NUP58: variants seen among roughly 807,000 people sequenced by gnomAD.
The protein encoded by NUP58 is nucleoporin 58.
A neutral mutation model predicts 70.1 loss-of-function variants in NUP58; 17 were observed. The ratio of observed to expected loss-of-function variants is 0.24; its 90% CI spans 0.17 to 0.36. The LOEUF (loss-of-function observed/expected upper bound fraction) is 0.36, where lower values mean the gene tolerates loss of function less well. NUP58 is among the 10% of genes least tolerant of loss of function. The probability of loss-of-function intolerance (pLI) is 1.00; values close to 1 mark genes in which losing one functional copy is unlikely to be tolerated. For synonymous variants in NUP58, 275 were observed against 257.6 expected, an observed-to-expected ratio of 1.07 and a Z score of -0.65; for missense variants, 644 against 701.5, an observed-to-expected ratio of 0.92 and a Z score of 0.93.
At position 25,319,336 on chromosome 13, in the gene NUP58, G is replaced by A. The variant is rs1278204678; in HGVS notation, c.696G>A (p.Thr232=). 8 of 1,612,464 alleles carry A rather than the reference G, an allele frequency of 5.0e-6. No homozygotes were observed. Among genetic ancestry groups the A allele is most frequent in the South Asian group, 2.2e-5 (2 of 91,014 alleles). The part of the protein sequence containing the change: ...SSSSDKKSDK[T]GTRPEDSKAL... ...TCTTGAATTTTCTAGGTGATAAAAC[G>A]GGAACAAGACCAGAGTAAGTTTACA... Residue 232 remains threonine (T), a synonymous_variant, in exon 7 of 16, where the codon ACG becomes ACA. Transcript: ENST00000381736.
chr13:25,348,138 T>G (rs1181299005), intron 3 of NUP58, among the ~76,000 whole-genome samples: 1 of 152,212 alleles, frequency 6.6e-6, no homozygotes, highest in Non-Finnish European at 1.5e-5. Context: ...AATTTTTATC[T>G]ATTTAAATTT....
rs1410421433 is a variant in NUP58 at position 25,338,679 on chromosome 13, C to T, written c.1578C>T (p.Ala526=). The change falls in exon 15 of 16, where the codon GCC becomes GCT. Residue 526 remains alanine, a synonymous_variant. Coordinates refer to ENST00000381736, the MANE Select transcript of NUP58 (RefSeq NM_014089.4). ...GTTTTGGATGCAGCACCACAGGGGC[C>T]TCCACATTTGGATTTGGAACAACAA... ...SSGFGCSTTG[A]STFGFGTTNK... is the part of the protein sequence containing the mutation. 6.2e-7 allele frequency: 1 copy of T among 1,613,872 alleles called. No individual in the cohort carries two copies. Among genetic ancestry groups the T allele is most frequent in the Non-Finnish European group, 8.5e-7 (1 of 1,179,838 alleles).
intron 13 of NUP58, chr13:25,332,709 C>G: frequency 1.0e-6 from 1 of 985,432 alleles, no homozygotes; most frequent in Non-Finnish European, 1.2e-6. Context: ...CTCCATATCC[C>G]GTGGCTGGAC....
chr13:25,333,847 T>TA, intron 13 of NUP58: 1 of 985,416 alleles, frequency 1.0e-6, no homozygotes, highest in South Asian at 4.7e-5. Context: ...GCATTGTTTT[T>TA]ATACATCACT....
chr13:25,313,853 T>G (rs1464807834), intron 5 of NUP58, 102 bp downstream of exon 5: 14 of 912,248 alleles, frequency 1.5e-5, no homozygotes, highest in Non-Finnish European at 2.2e-5. Flanking sequence ...ATCTGCATAT[T>G]TTCCTTTAAA....
At chr13:25,323,540 A>C (rs2031275249) in intron 9 of NUP58, among the ~76,000 whole-genome samples, 1 of 152,154 alleles carries the variant, frequency 6.6e-6, no homozygotes, top group African/African-American at 2.4e-5. Context: ...TTACCAATTG[A>C]AAAAAATGTT....
chr13:25,317,879 T>TC (rs1491034014), intron 6 of NUP58: 1 of 148,514 alleles, frequency 6.7e-6, no homozygotes, highest in African/African-American at 2.5e-5. Context: ...TTTTTTTTTT[T>TC]GGGATACAGT....
Position 25,342,207 on chromosome 13 carries a change from A to G in NUP58, c.*2073A>G, listed in dbSNP as rs1277729825. 6.6e-6 allele frequency: 1 copy of G among 152,602 alleles called. No homozygotes were observed. The highest frequency in any genetic ancestry group is 6.5e-5 in the Admixed American group (1 of 15,284). 9.5% of individuals were successfully genotyped at this position (152,602 alleles called of 1,614,324 possible). A position where few individuals can be genotyped will look rare whatever the true frequency, so the allele number is the denominator to read the frequency against. On this transcript the variant is annotated 3_prime_UTR_variant, in exon 16 of 16. Transcript: ENST00000381736. ...ACACAATTACAACAAACTTTTTTTA[A>G]AAGACATTTCATTGTACTGCAAAAA...
chr13:25,308,086 G>A, intron 2 of NUP58, 138 bp downstream of exon 2: 1 of 936,708 alleles, frequency 1.1e-6, no homozygotes. Flanking sequence ...GAAAAGAAAT[G>A]CAAGGAATTG....
In NUP58 at chr13:25,338,710, C is replaced by A. The variant is rs1284448860; in HGVS notation, c.1609C>A (p.Pro537Thr). The A allele has an allele frequency of 3.1e-6, 5 of 1,613,522 alleles. No individual in the cohort carries two copies. The highest frequency in any genetic ancestry group is 3.4e-6 in the Non-Finnish European group (4 of 1,179,548). ...ATTTGGATTTGGAACAACAAATAAA[C>A]CCTCAGGAAGTCTTAGTGCAGGTTT... ...STFGFGTTNK[P>T]SGSLSAGFGS... Residue 537 changes from proline to threonine, a missense_variant, in exon 15 of 16, where the codon CCC (proline) becomes ACC (threonine). Coordinates refer to ENST00000381736, the MANE Select transcript of NUP58 (RefSeq NM_014089.4).
chr13:25,335,975 TAAA>T, intron 13 of NUP58: 2 of 838,088 alleles, frequency 2.4e-6, no homozygotes, highest in Non-Finnish European at 3.0e-6. Context: ...TGCTTAGTTT[TAAA>T]AAAAAAAAAT....
chr13:25,327,092 G>T, intron 11 of NUP58, 58 bp downstream of exon 11: 1 of 983,596 alleles, frequency 1.0e-6, no homozygotes, highest in South Asian at 1.6e-5. Flanking sequence ...GATAGATGTG[G>T]TTATATAATA....
At chr13:25,335,857 T>C (rs1205518523) in intron 13 of NUP58, 6 of 1,050,866 alleles carry the variant, frequency 5.7e-6, no homozygotes, top group Non-Finnish European at 6.9e-6. Context: ...TGAGATGCAC[T>C]GATCACTGTG....
chr13:25,332,568 C>T (rs985921503), intron 13 of NUP58: 2 of 985,226 alleles, frequency 2.0e-6, no homozygotes, highest in African/African-American at 1.7e-5. Flanking sequence ...AGATTGCATT[C>T]AAGCTACCTA....
intron 1 of NUP58, among the ~76,000 whole-genome samples, chr13:25,304,543 T>C (rs2030218593): frequency 7.2e-6 from 1 of 138,938 alleles, no homozygotes; most frequent in Non-Finnish European, 1.5e-5. Context: ...TTTAAGACAG[T>C]CTCACTCTTG....
rs2137846474 is a variant in NUP58, at chr13:25,341,538, T to C, written c.*1404T>C. 6.5e-6 allele frequency: 1 copy of C among 152,710 alleles called. No homozygotes were observed. Among genetic ancestry groups the C allele is most frequent in the South Asian group, 2.1e-4 (1 of 4,828 alleles). The allele number at this position is 152,710 out of a possible 1,614,324, so 9.5% of individuals were successfully genotyped here. A position where few individuals can be genotyped will look rare whatever the true frequency, so the allele number is the denominator to read the frequency against. On this transcript the variant is annotated 3_prime_UTR_variant, in exon 16 of 16. Transcript: ENST00000381736. The stretch of plus-strand genomic sequence containing the variant: ...AATTTGGAATAGAGAAACCAGTATA[T>C]TTTAAAAAAGAAAAATATTCTTTGT...
At chr13:25,332,761 T>G in intron 13 of NUP58, 1 of 985,452 alleles carries the variant, frequency 1.0e-6, no homozygotes, top group Non-Finnish European at 1.2e-6. Context: ...CTGGTAGCTC[T>G]CTAGCTGGCT....
chr13:25,311,551 T>C (rs1464915187), intron 3 of NUP58, among the ~76,000 whole-genome samples: 2 of 152,024 alleles, frequency 1.3e-5, no homozygotes, highest in African/African-American at 4.8e-5. Context: ...AATTTTGTAT[T>C]TTTAGTAGAA....
At chr13:25,315,579 G>T (rs1293185617) in intron 6 of NUP58, 112 bp downstream of exon 6, 11 of 713,188 alleles carry the variant, frequency 1.5e-5, no homozygotes, top group Non-Finnish European at 2.5e-5. Context: ...AGTAGTAACA[G>T]TTAGCTATCT....
Sources: allele counts gnomAD v4.1 joint callset (sites outside exome capture counted in the v4.1 genomes callset), GRCh38; gene constraint gnomAD v4.1.1; transcripts MANE v1.5; gene names NCBI Gene and HGNC (gene_info 2026-07-23, HGNC 2026-07-21).